SMYD1: variants seen among roughly 807,000 people sequenced by gnomAD.
The protein encoded by SMYD1 is SET and MYND domain containing 1.
Under a neutral mutation model 54.0 loss-of-function variants are expected in SMYD1, and 49 were observed. The observed-to-expected ratio is 0.91, with a 90% CI of 0.72 to 1.15. The LOEUF is 1.15. Ranked by LOEUF, SMYD1 falls within the 50% of genes most tolerant of loss-of-function variation. The probability of loss-of-function intolerance (pLI) is 0.00; values close to 1 mark genes in which losing one functional copy is unlikely to be tolerated. For synonymous variants in SMYD1, 269 were observed against 234.2 expected (o/e 1.15, Z -1.36); for missense variants, 653 against 639.6 (o/e 1.02, Z -0.23).
chr2:88,112,092 T>A lies in SMYD1; in HGVS notation c.*1580T>A, dbSNP rs1389683953. On this transcript the variant is annotated 3_prime_UTR_variant, in exon 10 of 10. Coordinates refer to ENST00000419482, the MANE Select transcript of SMYD1 (RefSeq NM_198274.4). ...CTTAGGTCTTGTTTGAAGAATTTCC[T>A]TTCTGGAAGGTTTTACAAGAAGACT... 8.5e-6 allele frequency: 6 copies of A among 703,210 alleles called. No individual in the cohort carries two copies. Among genetic ancestry groups the A allele is most frequent in the African/African-American group, 3.5e-5 (2 of 57,254 alleles). 43.6% of individuals were successfully genotyped at this position (703,210 alleles called of 1,614,324 possible). A position where few individuals can be genotyped will look rare whatever the true frequency, so the allele number is the denominator to read the frequency against.
rs1037416291 is a variant in SMYD1 at position 88,088,066 on chromosome 2, C to A, written c.519C>A (p.Ile173=). ...TCAGCATGCAGTACATCTCGCACAT[C>A]TTCGGAGTGGTAGGCCCCCTGCGTC... The part of the protein sequence containing the change: ...QQFSMQYISH[I]FGVINCNGFT... Residue 173 remains isoleucine, a synonymous_variant, in exon 3 of 10, where the codon ATC becomes ATA. Coordinates refer to ENST00000419482, the MANE Select transcript of SMYD1 (RefSeq NM_198274.4). 3 of 1,613,146 alleles carry A rather than the reference C, an allele frequency of 1.9e-6. No individual in the cohort carries two copies. Among genetic ancestry groups the A allele is most frequent in the Non-Finnish European group, 1.7e-6 (2 of 1,179,428 alleles).
At chr2:88,071,910 C>CAT (rs1673954870) in intron 1 of SMYD1, among the ~76,000 whole-genome samples, 1 of 151,666 alleles carries the variant, frequency 6.6e-6, no homozygotes, top group Admixed American at 6.6e-5. Context: ...CTAGCTTCTA[C>CAT]ATAGCATGGG....
At chr2:88,072,753 C>A (rs908533772) in intron 1 of SMYD1, among the ~76,000 whole-genome samples, 3 of 151,996 alleles carry the variant, frequency 2.0e-5, no homozygotes, top group Non-Finnish European at 2.9e-5. Context: ...CTTTTTCTCT[C>A]AAAAAAGTTG....
intron 7 of SMYD1, among the ~76,000 whole-genome samples, chr2:88,105,511 T>C (rs971318251): frequency 4.6e-5 from 7 of 152,202 alleles, no homozygotes; most frequent in African/African-American, 1.7e-4. Flanking sequence ...ATGCACATCC[T>C]TCCATATACT....
intron 6 of SMYD1, among the ~76,000 whole-genome samples, chr2:88,099,618 G>A (rs905861927): frequency 1.4e-4 from 22 of 152,120 alleles, no homozygotes; most frequent in Non-Finnish European, 2.8e-4. Context: ...AGCTACTCGG[G>A]AGGCTGAGGC....
Position 88,083,410 on chromosome 2 carries a change from T to C in SMYD1, c.138-906T>C, listed in dbSNP as rs570489525. ...ACACGGGGCTCTCTAATGGGAACAC[T>C]AAGAGGCTGGAAGCACCGGGCGGGG... On this transcript the variant is annotated intron_variant, in intron 1 of 9. Coordinates refer to ENST00000419482, the MANE Select transcript of SMYD1 (RefSeq NM_198274.4). Among the ~76,000 whole-genome samples the C allele has an allele frequency of 1.5e-3, 235 of 152,152 alleles. 1 individual carries two copies. The highest frequency in any genetic ancestry group is 5.4e-3 in the African/African-American group (224 of 41,522).
intron 5 of SMYD1, among the ~76,000 whole-genome samples, chr2:88,095,317 A>G (rs769765341): frequency 1.3e-5 from 2 of 152,242 alleles, no homozygotes; most frequent in Admixed American, 6.5e-5. Flanking sequence ...TGCAGGCTCC[A>G]CAGGAGTTGT....
At chr2:88,081,233 T>A (rs1295735060) in intron 1 of SMYD1, among the ~76,000 whole-genome samples, 1 of 152,028 alleles carries the variant, frequency 6.6e-6, no homozygotes, top group African/African-American at 2.4e-5. Flanking sequence ...ATTGTGATGA[T>A]GGTTCTGTGG....
In SMYD1 at chr2:88,112,883, T is replaced by A. The variant is rs1219367673; in HGVS notation, c.*2371T>A. 1 of 152,346 alleles carries A rather than the reference T, an allele frequency of 6.6e-6. No individual in the cohort carries two copies. Among genetic ancestry groups the A allele is most frequent in the Non-Finnish European group, 1.5e-5 (1 of 68,164 alleles). 9.4% of individuals were successfully genotyped at this position (152,346 alleles called of 1,614,324 possible). A position where few individuals can be genotyped will look rare whatever the true frequency, so the allele number is the denominator to read the frequency against. On this transcript the variant is annotated 3_prime_UTR_variant, in exon 10 of 10. Transcript: ENST00000419482. ...TCCTGGAGTTGGTTTTGTCCTTGAT[T>A]CATTCTCATGTCATTCTGCACACAG...
In SMYD1 at chr2:88,113,354, T is replaced by A. The variant is rs1214673459; in HGVS notation, c.*2842T>A. 6.6e-6 allele frequency: 1 copy of A among 152,186 alleles called. No individual in the cohort carries two copies. Among genetic ancestry groups the A allele is most frequent in the Non-Finnish European group, 1.5e-5 (1 of 68,020 alleles). 9.4% of individuals were successfully genotyped at this position (152,186 alleles called of 1,614,324 possible). On this transcript the variant is annotated 3_prime_UTR_variant, in exon 10 of 10. Transcript: ENST00000419482. ...TTTCTATGTTATAGCAGTCAGCAAA[T>A]CCTATTAAATACTTTGTGTTTCCAA...
At chr2:88,082,098 A>G (rs1324647478) in intron 1 of SMYD1, among the ~76,000 whole-genome samples, 1 of 152,098 alleles carries the variant, frequency 6.6e-6, no homozygotes, top group African/African-American at 2.4e-5. Context: ...CATGTGCTCT[A>G]TTCTGCTGGG....
chr2:88,092,415 TTAGAGATGAGCTTTTATGACAGA>T (rs1674483295), intron 4 of SMYD1, among the ~76,000 whole-genome samples: 1 of 152,138 alleles, frequency 6.6e-6, no homozygotes, highest in African/African-American at 2.4e-5. Flanking sequence ...GCTTTTGCTC[TTAGAGATGAGCTTTTATGACAGA>T]TACAAGCTGA....
Position 88,106,346 on chromosome 2 carries a change from T to A in SMYD1, c.1003T>A (p.Cys335Ser). ...CTAGGTTGTGAAATTATGCCGGGAGTGCCTGGAGAAGCAGGAGCCAGTGTT... is the reference window on the plus strand; with the variant it reads ...CTAGGTTGTGAAATTATGCCGGGAGAGCCTGGAGAAGCAGGAGCCAGTGTT... ...YHEVVKLCRE[C>S]LEKQEPVFAD... Residue 335 changes from cysteine (C) to serine (S), a missense_variant, in exon 8 of 10, where the codon TGC becomes AGC. Transcript: ENST00000419482. The A allele has an allele frequency of 6.2e-7, 1 of 1,614,032 alleles. No homozygotes were observed.
In SMYD1 at chr2:88,087,992, G is replaced by T; in HGVS notation, c.445G>T (p.Val149Leu). ...GGAGGAGGAGCAGAAGGACCTGCGG[G>T]TGGACGTGGACACATTCTTGCAGTA... is the stretch of plus-strand genomic sequence containing the variant. ...FGEEEQKDLR[V>L]DVDTFLQYWP... Residue 149 changes from valine (V) to leucine (L), a missense_variant, in exon 3 of 10, where the codon GTG (valine) becomes TTG (leucine). Val to Leu is a conservative substitution (Grantham distance 32). Transcript: ENST00000419482. 2 of 1,614,208 alleles carry T rather than the reference G, an allele frequency of 1.2e-6. No individual in the cohort carries two copies. Among genetic ancestry groups the T allele is most frequent in the Non-Finnish European group, 1.7e-6 (2 of 1,180,034 alleles).
At chr2:88,089,194 C>T (rs1394463010) in intron 3 of SMYD1, among the ~76,000 whole-genome samples, 1 of 152,180 alleles carries the variant, frequency 6.6e-6, no homozygotes, top group African/African-American at 2.4e-5. Flanking sequence ...CAGGGGAGAT[C>T]AGTCTTTATT....
chr2:88,106,574 C>G, intron 8 of SMYD1, 86 bp downstream of exon 8: 2 of 1,437,260 alleles, frequency 1.4e-6, no homozygotes, highest in Admixed American at 1.8e-5. Context: ...TTACTGGTGC[C>G]TCTCCCTCCT....
chr2:88,097,180 A>C (rs1674609045), intron 6 of SMYD1, among the ~76,000 whole-genome samples: 1 of 152,242 alleles, frequency 6.6e-6, no homozygotes, highest in South Asian at 2.1e-4. Context: ...TGTTCAAATC[A>C]GATGGGCAAA....
At position 88,108,433 on chromosome 2, in the gene SMYD1, A is replaced by C. The variant is rs771229558; in HGVS notation, c.1208A>C (p.Asn403Thr). 6.2e-7 allele frequency: 1 copy of C among 1,613,168 alleles called. No individual in the cohort carries two copies. Among genetic ancestry groups the C allele is most frequent in the Non-Finnish European group, 8.5e-7 (1 of 1,179,610 alleles). ...GCCGTGATGCGGGCAGGGCTGACCA[A>C]CTGGCATGCTGGTAACATTGAGGTG... ...GMAVMRAGLT[N>T]WHAGNIEVGH... Residue 403 changes from asparagine (N) to threonine (T), a missense_variant, in exon 9 of 10, where the codon AAC becomes ACC. Transcript: ENST00000419482.
At chr2:88,096,315 GT>G (rs1674586853) in intron 5 of SMYD1, among the ~76,000 whole-genome samples, 1 of 152,226 alleles carries the variant, frequency 6.6e-6, no homozygotes. Context: ...GTTCTGTCTG[GT>G]TTTATGACCA....
Sources: allele counts gnomAD v4.1 joint callset (sites outside exome capture counted in the v4.1 genomes callset), GRCh38; gene constraint gnomAD v4.1.1; transcripts MANE v1.5; gene names NCBI Gene and HGNC (gene_info 2026-07-23, HGNC 2026-07-21).